Variants in DCP1A observed in about 807,000 individuals in gnomAD.
DCP1A encodes mRNA-decapping enzyme 1A.
A neutral mutation model predicts 58.0 loss-of-function variants in DCP1A; 20 were observed. That is an observed-to-expected ratio of 0.34 (90% confidence interval 0.24 to 0.50). The LOEUF (loss-of-function observed/expected upper bound fraction) is 0.50. Among genes scored for constraint, DCP1A ranks in the 20% least tolerant of loss-of-function variants. DCP1A has a pLI of 0.98. For synonymous variants in DCP1A, 285 were observed against 275.1 expected, an observed-to-expected ratio of 1.04 and a Z score of -0.36; for missense variants, 613 against 712.2, an observed-to-expected ratio of 0.86 and a Z score of 1.59.
chr3:53,334,108 A>G (rs1190309938), intron 3 of DCP1A, among the ~76,000 whole-genome samples: 2 of 151,998 alleles, frequency 1.3e-5, no homozygotes, highest in African/African-American at 4.8e-5. Context: ...CAAAAAATAA[A>G]AACGTATTAG....
intron 3 of DCP1A, among the ~76,000 whole-genome samples, chr3:53,330,763 T>C (rs1358737475): frequency 3.3e-5 from 5 of 151,802 alleles, no homozygotes; most frequent in Non-Finnish European, 5.9e-5. Flanking sequence ...TTAAGGTATG[T>C]ATCCGAGTTA....
At chr3:53,295,158 G>A (rs1385875783) in intron 6 of DCP1A, among the ~76,000 whole-genome samples, 1 of 152,216 alleles carries the variant, frequency 6.6e-6, no homozygotes, top group African/African-American at 2.4e-5. Context: ...AAAGTTAAGG[G>A]AGTGCCATTC....
chr3:53,315,496 G>A (rs1038042802), intron 4 of DCP1A, among the ~76,000 whole-genome samples: 25 of 128,764 alleles, frequency 1.9e-4, no homozygotes, highest in African/African-American at 5.9e-4. Flanking sequence ...CCCAGATCAC[G>A]CCACCACATT....
chr3:53,322,813 CTTTTT>C (rs1305800543), intron 3 of DCP1A, among the ~76,000 whole-genome samples: 2 of 135,530 alleles, frequency 1.5e-5, no homozygotes, highest in South Asian at 2.3e-4. Context: ...TGTTTGTTTG[CTTTTT>C]TTTTTTTTTT....
At chr3:53,346,321 T>C (rs1386668858) in intron 1 of DCP1A, among the ~76,000 whole-genome samples, 4 of 152,224 alleles carry the variant, frequency 2.6e-5, no homozygotes, top group Non-Finnish European at 5.9e-5. Flanking sequence ...GAATTAACTG[T>C]TCATAAATGC....
chr3:53,288,151 T>TTC lies in DCP1A; in HGVS notation c.1581_1582insGA (p.Thr528GlufsTer25). Reference sequence around the variant, plus strand: ...CTCTGACTTTCTGGCGTTCCAATAGTTAGAGGAGAAGGGGAGCTGGCTTTC... The same window carrying TTC: ...CTCTGACTTTCTGGCGTTCCAATAGTTCTAGAGGAGAAGGGGAGCTGGCTTTC... On this transcript the variant is annotated frameshift_variant, in exon 9 of 10. Coordinates refer to ENST00000610213, the MANE Select transcript of DCP1A (RefSeq NM_018403.7). LOFTEE classifies it high-confidence loss of function. 6.2e-7 allele frequency: 1 copy of TTC among 1,614,038 alleles called. No homozygotes were observed. Among genetic ancestry groups the TTC allele is most frequent in the South Asian group, 1.1e-5 (1 of 91,090 alleles).
At chr3:53,296,363 A>G (rs551008370) in intron 6 of DCP1A, among the ~76,000 whole-genome samples, 1 of 152,352 alleles carries the variant, frequency 6.6e-6, no homozygotes, top group South Asian at 2.1e-4. Context: ...ATCATCAAGG[A>G]CACAGCTGTC....
chr3:53,318,541 T>C (rs528389562), intron 4 of DCP1A, among the ~76,000 whole-genome samples: 10 of 152,130 alleles, frequency 6.6e-5, no homozygotes, highest in African/African-American at 2.2e-4. Flanking sequence ...TATTATAGCA[T>C]TTTGCCCAGA....
intron 3 of DCP1A, among the ~76,000 whole-genome samples, chr3:53,321,707 G>A (rs1195702936): frequency 1.3e-5 from 2 of 152,102 alleles, no homozygotes; most frequent in African/African-American, 4.8e-5. Flanking sequence ...CAACAAGAGC[G>A]AAACTCCGTC....
intron 3 of DCP1A, among the ~76,000 whole-genome samples, chr3:53,339,398 T>C (rs1432954596): frequency 6.6e-6 from 1 of 152,236 alleles, no homozygotes; most frequent in Admixed American, 6.5e-5. Context: ...TCCCCAAGAA[T>C]GTTCTAGTTA....
intron 6 of DCP1A, among the ~76,000 whole-genome samples, chr3:53,302,610 GTTTTA>G (rs1707344816): frequency 6.6e-6 from 1 of 152,120 alleles, no homozygotes; most frequent in Admixed American, 6.6e-5. Flanking sequence ...AGGAAGGGTT[GTTTTA>G]TTTTATTTAT....
chr3:53,342,330 A>C (rs1330539257), intron 2 of DCP1A, 59 bp from the exon 3 acceptor site: 2 of 1,227,386 alleles, frequency 1.6e-6, no homozygotes, highest in Non-Finnish European at 2.3e-6. Context: ...TAGAAATGTT[A>C]TCTACTATGT....
In DCP1A at chr3:53,288,259, C is replaced by A. The variant is rs782769306; in HGVS notation, c.1474G>T (p.Ala492Ser). 8.1e-6 allele frequency: 13 copies of A among 1,612,474 alleles called. No homozygotes were observed. In the Admixed American group the frequency reaches 2.2e-4, roughly 27 times the overall value. Residue 492 changes from alanine (A) to serine (S), a missense_variant, in exon 9 of 10, where the codon GCA becomes TCA. By Grantham distance (99) the Ala-to-Ser change is moderately conservative (BLOSUM62 1). Around this residue, in one of 3 missense-constraint regions of DCP1A, gnomAD observed 498 missense variants for 556.7 expected, o/e 0.89. Coordinates refer to ENST00000610213, the MANE Select transcript of DCP1A (RefSeq NM_018403.7). ...ACTGAAGACACTGCAGTGGTCGTTGCAGTAACCAGTGGGGCGCCTGCAACC... is the reference window on the plus strand; with the variant it reads ...ACTGAAGACACTGCAGTGGTCGTTGAAGTAACCAGTGGGGCGCCTGCAACC... ...IPVAGAPLVT[A>S]TTTAVSSVLL...
intron 4 of DCP1A, among the ~76,000 whole-genome samples, chr3:53,313,918 A>G (rs1553688927): frequency 6.6e-6 from 1 of 152,128 alleles, no homozygotes; most frequent in Non-Finnish European, 1.5e-5. Flanking sequence ...TTATTTTTGT[A>G]GAGATGGAGT....
At chr3:53,308,056 A>G (rs1279389361) in intron 5 of DCP1A, among the ~76,000 whole-genome samples, 1 of 152,214 alleles carries the variant, frequency 6.6e-6, no homozygotes, top group Admixed American at 6.5e-5. Context: ...AATAAATCTA[A>G]TGTACACAAA....
At chr3:53,296,281 A>G (rs1325778114) in intron 6 of DCP1A, among the ~76,000 whole-genome samples, 1 of 152,232 alleles carries the variant, frequency 6.6e-6, no homozygotes, top group African/African-American at 2.4e-5. Context: ...AATGCAAGAC[A>G]ACAACAAAAC....
chr3:53,319,532 T>C (rs781986720), intron 3 of DCP1A, 59 bp from the exon 4 acceptor site: 2 of 1,044,212 alleles, frequency 1.9e-6, no homozygotes, highest in Non-Finnish European at 2.9e-6. Flanking sequence ...TTTGGGTGTA[T>C]GTAAATAATA....
chr3:53,298,999 G>A (rs188657174), intron 6 of DCP1A, among the ~76,000 whole-genome samples: 102 of 152,352 alleles, frequency 6.7e-4, no homozygotes, highest in Admixed American at 1.8e-3. Flanking sequence ...CTAGGTGTTA[G>A]TAGGCAATGC....
At chr3:53,305,771 G>A (rs782257756) in intron 5 of DCP1A, among the ~76,000 whole-genome samples, 3 of 152,092 alleles carry the variant, frequency 2.0e-5, no homozygotes, top group East Asian at 1.9e-4. Context: ...ATTTTGAGTT[G>A]ATTATTCTCT....
Sources: gnomAD v4.1 joint callset for allele counts (sites outside exome capture counted in the v4.1 genomes callset) on GRCh38, gnomAD v4.1.1 for gene constraint, gnomAD v4.1.1 regional missense constraint, MANE v1.5 for transcripts, NCBI Gene and HGNC (gene_info 2026-07-23, HGNC 2026-07-21) for gene names.